Variants in ZNRF3 observed in about 807,000 individuals in gnomAD.
The protein encoded by ZNRF3 is E3 ubiquitin-protein ligase ZNRF3.
Under a neutral mutation model 72.5 loss-of-function variants are expected in ZNRF3, and 23 were observed. That is an observed-to-expected ratio of 0.32 (90% CI 0.23 to 0.45). The LOEUF (loss-of-function observed/expected upper bound fraction) is 0.45, where lower values mean the gene tolerates loss of function less well. ZNRF3 is among the 20% of genes least tolerant of loss of function. ZNRF3 has a pLI of 1.00. For missense variants in ZNRF3, 1,169 were observed against 1,272.1 expected (o/e 0.92, Z 1.23); for synonymous variants, 610 against 545.3 (o/e 1.12, Z -1.65).
In ZNRF3 at chr22:29,050,700, T is replaced by G. The variant is rs1185557715; in HGVS notation, c.2519T>G (p.Leu840Arg). 1 of 1,612,196 alleles carries G rather than the reference T, an allele frequency of 6.2e-7. No individual in the cohort carries two copies. Among genetic ancestry groups the G allele is most frequent in the Non-Finnish European group, 8.5e-7 (1 of 1,179,512 alleles). The change falls in exon 8 of 9, where the codon CTG (leucine) becomes CGG (arginine). Residue 840 changes from leucine (L) to arginine (R), a missense_variant. Transcript: ENST00000544604. ...PIIPEDVDCD[L>R]GLPSDCQGTH... ...ATTCCAGAGGATGTGGACTGTGATCTGGGCCTGCCCTCGGACTGCCAAGGG... is the reference window on the plus strand; with the variant it reads ...ATTCCAGAGGATGTGGACTGTGATCGGGGCCTGCCCTCGGACTGCCAAGGG...
chr22:28,960,374 A>G (rs2035335671), intron 1 of ZNRF3, among the ~76,000 whole-genome samples: 1 of 152,214 alleles, frequency 6.6e-6, no homozygotes, highest in Non-Finnish European at 1.5e-5. Flanking sequence ...AGAGAACAAC[A>G]TGACCATCAG....
intron 2 of ZNRF3, among the ~76,000 whole-genome samples, chr22:29,007,386 C>T (rs150233921): frequency 6.6e-6 from 1 of 152,188 alleles, no homozygotes; most frequent in Admixed American, 6.5e-5. Context: ...CCTGTAATCC[C>T]AGCACTTTGG....
chr22:28,893,377 T>C (rs1369481576), intron 1 of ZNRF3, among the ~76,000 whole-genome samples: 3 of 152,198 alleles, frequency 2.0e-5, no homozygotes, highest in African/African-American at 7.2e-5. Flanking sequence ...GCACCCGTGG[T>C]ATAATTTGTG....
intron 5 of ZNRF3, 147 bp downstream of exon 5, chr22:29,045,037 G>T (rs2037039575): frequency 1.6e-6 from 1 of 634,092 alleles, no homozygotes; most frequent in Non-Finnish European, 2.8e-6. Context: ...GTTCCCAGTG[G>T]CCTAGAAACT....
intron 2 of ZNRF3, among the ~76,000 whole-genome samples, chr22:29,033,975 C>T (rs1025803825): frequency 6.6e-6 from 1 of 152,214 alleles, no homozygotes; most frequent in African/African-American, 2.4e-5. Flanking sequence ...ATGTCAAGTC[C>T]TGAGAACCAA....
At chr22:28,951,675 T>C (rs1478839911) in intron 1 of ZNRF3, among the ~76,000 whole-genome samples, 2 of 152,236 alleles carry the variant, frequency 1.3e-5, no homozygotes, top group South Asian at 2.1e-4. Context: ...AGCTGACTGC[T>C]GTCTCCCATG....
intron 1 of ZNRF3, among the ~76,000 whole-genome samples, chr22:28,903,163 C>T (rs1392140796): frequency 2.6e-5 from 4 of 152,200 alleles, no homozygotes; most frequent in Non-Finnish European, 5.9e-5. Flanking sequence ...TGCAGCTTCA[C>T]CTGCTTATCC....
intron 1 of ZNRF3, among the ~76,000 whole-genome samples, chr22:28,910,083 T>C (rs1344615163): frequency 6.6e-6 from 1 of 151,906 alleles, no homozygotes; most frequent in African/African-American, 2.4e-5. Context: ...TTGCCCAGGC[T>C]GAGATGCAGT....
chr22:29,026,409 T>A (rs1200292334), intron 2 of ZNRF3: 1 of 152,174 alleles, frequency 6.6e-6, no homozygotes, highest in Admixed American at 6.5e-5. Context: ...TTCTGTGACT[T>A]GGTTAGCTCA....
chr22:28,887,555 T>G (rs9625630), intron 1 of ZNRF3, among the ~76,000 whole-genome samples: 2,334 of 152,302 alleles, frequency 0.015, 64 homozygotes, highest in African/African-American at 0.052. Flanking sequence ...AGAATTTTTT[T>G]TTTAATGTCT....
At chr22:28,949,395 C>T (rs1338242593) in intron 1 of ZNRF3, among the ~76,000 whole-genome samples, 1 of 152,174 alleles carries the variant, frequency 6.6e-6, no homozygotes, top group Non-Finnish European at 1.5e-5. Context: ...CCACCTCAGC[C>T]TCCAAGTGTC....
rs143383986 is a variant in ZNRF3 at position 28,960,410 on chromosome 22, C to G, written c.301-26666C>G. Among the ~76,000 whole-genome samples, 218 of 152,292 alleles carry G rather than the reference C, an allele frequency of 1.4e-3. 1 individual carries two copies. Among genetic ancestry groups the G allele is most frequent in the African/African-American group, 5.0e-3 (206 of 41,562 alleles). On this transcript the variant is annotated intron_variant, in intron 1 of 8. Transcript: ENST00000544604. ...CCCAGAAAGTTCCCTGGTGTCCCTT[C>G]CCAATCAGTCCCCACTGGGGATCTT...
chr22:29,020,561 G>C (rs562188820), intron 2 of ZNRF3, among the ~76,000 whole-genome samples: 1 of 151,456 alleles, frequency 6.6e-6, no homozygotes, highest in African/African-American at 2.4e-5. Flanking sequence ...GTGCCTGGCC[G>C]CAACCATCCT....
intron 1 of ZNRF3, among the ~76,000 whole-genome samples, chr22:28,978,987 C>T (rs9941921): frequency 6.6e-6 from 1 of 152,136 alleles, no homozygotes; most frequent in East Asian, 1.9e-4. Context: ...CATTGCTCCC[C>T]TCACCCTGGC....
At chr22:28,953,970 T>C (rs1326487523) in intron 1 of ZNRF3, among the ~76,000 whole-genome samples, 1 of 152,148 alleles carries the variant, frequency 6.6e-6, no homozygotes, top group East Asian at 1.9e-4. Context: ...GCTCTGAAAA[T>C]GGGGCGATTG....
At chr22:28,983,185 G>C (rs1221282828) in intron 1 of ZNRF3, among the ~76,000 whole-genome samples, 1 of 152,088 alleles carries the variant, frequency 6.6e-6, no homozygotes, top group Non-Finnish European at 1.5e-5. Context: ...CTGATGTGTT[G>C]AGCTGCTAAC....
intron 2 of ZNRF3, among the ~76,000 whole-genome samples, chr22:29,006,208 C>T (rs1223780938): frequency 1.1e-5 from 1 of 91,736 alleles, no homozygotes; most frequent in Admixed American, 1.5e-4. Flanking sequence ...TCTTATCATC[C>T]GTTTCTTTTT....
chr22:28,989,671 G>A (rs2123830462), intron 2 of ZNRF3, among the ~76,000 whole-genome samples: 1 of 152,260 alleles, frequency 6.6e-6, no homozygotes, highest in Non-Finnish European at 1.5e-5. Flanking sequence ...GTTGAAACTT[G>A]TTGAAAACCC....
intron 2 of ZNRF3, among the ~76,000 whole-genome samples, chr22:29,036,212 A>G (rs974928016): frequency 6.6e-6 from 1 of 152,228 alleles, no homozygotes; most frequent in African/African-American, 2.4e-5. Context: ...ATAAATAGCA[A>G]AAACTCTAAA....
Sources: allele counts gnomAD v4.1 joint callset (sites outside exome capture counted in the v4.1 genomes callset), GRCh38; gene constraint gnomAD v4.1.1; transcripts MANE v1.5; gene names NCBI Gene and HGNC (gene_info 2026-07-23, HGNC 2026-07-21).